CDH13: variants seen among roughly 807,000 people sequenced by gnomAD.
CDH13 encodes cadherin-13.
CDH13 carries 24 observed loss-of-function variants against 63.8 expected under a neutral mutation model. The observed-to-expected ratio is 0.38, with a 90% CI of 0.27 to 0.53. The LOEUF (loss-of-function observed/expected upper bound fraction) is 0.53, where lower values mean the gene tolerates loss of function less well. Ranked by LOEUF, CDH13 falls within the 20% of genes least tolerant of loss-of-function variation. The pLI is 0.85. For missense variants in CDH13, 1,049 were observed against 903.1 expected (o/e 1.16, Z -2.07); for synonymous variants, 503 against 355.3 (o/e 1.42, Z -4.67).
chr16:82,752,853 T>G (rs777747073), intron 1 of CDH13, among the ~76,000 whole-genome samples: 1 of 152,220 alleles, frequency 6.6e-6, no homozygotes, highest in African/African-American at 2.4e-5. Context: ...AATGTGGCAC[T>G]GGGGAGGGAT....
chr16:83,344,649 C>T (rs1937838914), intron 5 of CDH13, among the ~76,000 whole-genome samples: 2 of 152,058 alleles, frequency 1.3e-5, no homozygotes, highest in Admixed American at 1.3e-4. Flanking sequence ...GTAAATTTCC[C>T]AAGGGGGATC....
chr16:83,453,112 A>G (rs949607681), intron 6 of CDH13, among the ~76,000 whole-genome samples: 2 of 152,234 alleles, frequency 1.3e-5, no homozygotes, highest in African/African-American at 4.8e-5. Flanking sequence ...AAGTGAAGTA[A>G]CTGGGGAATG....
In CDH13 at chr16:83,071,917, A is replaced by G. The variant is rs555948265; in HGVS notation, c.366+39699A>G. On this transcript the variant is annotated intron_variant, in intron 3 of 13. Transcript: ENST00000567109. ...GAATTGATTCTATGCTCCATCATCT[A>G]TGTGGTCATCTAATCATCCATCTCT... is the stretch of plus-strand genomic sequence containing the variant. Among the ~76,000 whole-genome samples, 21 of 152,292 alleles carry G rather than the reference A, an allele frequency of 1.4e-4. No individual in the cohort carries two copies. The South Asian group carries it at 3.3e-3, about 24-fold the overall frequency.
Position 82,999,286 on chromosome 16 carries a change from G to A in CDH13, c.158-32724G>A, listed in dbSNP as rs184283694. ...CCTTTGTCAGTCCCAAAGCTCCTATGGCTCAACTGTTGGTGCACATAACCT... is the reference window on the plus strand; with the variant it reads ...CCTTTGTCAGTCCCAAAGCTCCTATAGCTCAACTGTTGGTGCACATAACCT... On this transcript the variant is annotated intron_variant, in intron 2 of 13. Transcript: ENST00000567109. 1.2e-3 allele frequency among the ~76,000 whole-genome samples: 178 copies of A among 152,060 alleles called. 2 individuals carry two copies. Among genetic ancestry groups the A allele is most frequent in the African/African-American group, 4.2e-3 (173 of 41,440 alleles).
intron 1 of CDH13, among the ~76,000 whole-genome samples, chr16:82,658,425 C>T (rs968930110): frequency 6.6e-6 from 1 of 152,220 alleles, no homozygotes; most frequent in Non-Finnish European, 1.5e-5. Flanking sequence ...GCCTTGCATA[C>T]CTGTGATAAA....
intron 6 of CDH13, among the ~76,000 whole-genome samples, chr16:83,385,977 C>G (rs964922343): frequency 1.3e-5 from 2 of 152,194 alleles, no homozygotes; most frequent in Admixed American, 6.5e-5. Context: ...ATAGCCAGCC[C>G]TATATTCTAG....
At chr16:83,296,572 A>C (rs2089603149) in intron 5 of CDH13, among the ~76,000 whole-genome samples, 2 of 152,276 alleles carry the variant, frequency 1.3e-5, no homozygotes, top group African/African-American at 2.4e-5. Context: ...GTGGTAATAA[A>C]AGCATCTGCA....
At chr16:83,144,657 C>G (rs941688482) in intron 4 of CDH13, among the ~76,000 whole-genome samples, 1 of 152,222 alleles carries the variant, frequency 6.6e-6, no homozygotes, top group African/African-American at 2.4e-5. Context: ...AAGTTATATT[C>G]AGACCAGCTA....
chr16:83,027,724 C>T (rs1342348302), intron 2 of CDH13, among the ~76,000 whole-genome samples: 2 of 152,164 alleles, frequency 1.3e-5, no homozygotes, highest in East Asian at 3.8e-4. Flanking sequence ...CCCCACATTG[C>T]CTGGGCTTAG....
chr16:83,556,170 G>T (rs1770268231), intron 7 of CDH13, among the ~76,000 whole-genome samples: 1 of 152,150 alleles, frequency 6.6e-6, no homozygotes, highest in South Asian at 2.1e-4. Context: ...GTTAGGAGAG[G>T]CTTAGAGACA....
intron 2 of CDH13, among the ~76,000 whole-genome samples, chr16:82,932,085 G>A (rs914654313): frequency 6.6e-6 from 1 of 152,122 alleles, no homozygotes; most frequent in Non-Finnish European, 1.5e-5. Context: ...CTTTGCTTAG[G>A]ACAGTTGTGG....
intron 13 of CDH13, 58 bp from the exon 14 acceptor site, chr16:83,794,963 TAA>T: frequency 6.6e-7 from 1 of 1,522,732 alleles, no homozygotes; most frequent in Non-Finnish European, 9.0e-7. Flanking sequence ...GGCTTTTAGC[TAA>T]AATGTTTTGA....
chr16:82,641,664 A>G (rs1909413878), intron 1 of CDH13, among the ~76,000 whole-genome samples: 1 of 152,202 alleles, frequency 6.6e-6, no homozygotes, highest in Non-Finnish European at 1.5e-5. Context: ...GGGACAGGAG[A>G]TGGGAGAAAA....
intron 2 of CDH13, among the ~76,000 whole-genome samples, chr16:82,968,636 CCTT>C (rs751322694): frequency 9.9e-5 from 15 of 152,164 alleles, no homozygotes; most frequent in Non-Finnish European, 1.9e-4. Context: ...ACCCATCTCT[CCTT>C]CTGTGAAGCC....
At chr16:83,238,394 A>G (rs932785317) in intron 5 of CDH13, among the ~76,000 whole-genome samples, 9 of 152,176 alleles carry the variant, frequency 5.9e-5, no homozygotes, top group Non-Finnish European at 7.3e-5. Flanking sequence ...CTTATTCACT[A>G]TCACGAGAAC....
chr16:82,861,657 T>C (rs1486412359), intron 2 of CDH13, among the ~76,000 whole-genome samples: 2 of 152,262 alleles, frequency 1.3e-5, no homozygotes, highest in African/African-American at 2.4e-5. Flanking sequence ...TTCCCTAATA[T>C]TTTATTCACT....
chr16:82,926,371 G>T (rs181325343), intron 2 of CDH13, among the ~76,000 whole-genome samples: 3 of 151,786 alleles, frequency 2.0e-5, no homozygotes, highest in South Asian at 2.1e-4. Context: ...AAACATTTTC[G>T]CACCCCTGTG....
At chr16:83,083,225 A>G (rs902841338) in intron 3 of CDH13, among the ~76,000 whole-genome samples, 17 of 152,240 alleles carry the variant, frequency 1.1e-4, no homozygotes, top group South Asian at 2.1e-4. Flanking sequence ...TTGATTCTCA[A>G]AATACTCTTG....
At chr16:83,012,996 C>G (rs1295649424) in intron 2 of CDH13, among the ~76,000 whole-genome samples, 2 of 152,166 alleles carry the variant, frequency 1.3e-5, no homozygotes, top group East Asian at 1.9e-4. Flanking sequence ...AATCATGGAA[C>G]TGATGGTGCA....
Sources: allele counts gnomAD v4.1 joint callset (sites outside exome capture counted in the v4.1 genomes callset), GRCh38; gene constraint gnomAD v4.1.1; transcripts MANE v1.5; gene names NCBI Gene and HGNC (gene_info 2026-07-23, HGNC 2026-07-21).